MMP26: variants seen among roughly 807,000 people sequenced by gnomAD.
MMP26 encodes the protein matrix metallopeptidase 26, also known as matrix metalloproteinase-26.
In MMP26, 33 loss-of-function variants were observed where a neutral mutation model predicts 31.0. The observed-to-expected ratio is 1.06, with a 90% CI of 0.81 to 1.42. MMP26 has a LOEUF of 1.42. Among genes scored for constraint, MMP26 ranks in the 40% most tolerant of loss-of-function variants. The probability of loss-of-function intolerance (pLI) is 0.00; values close to 1 mark genes in which losing one functional copy is unlikely to be tolerated. For synonymous variants in MMP26, 122 were observed against 114.9 expected (o/e 1.06, Z -0.40); for missense variants, 347 against 316.1 (o/e 1.10, Z -0.74).
intron 2 of MMP26, among the ~76,000 whole-genome samples, chr11:4,781,262 T>C (rs1238185456): frequency 6.6e-6 from 1 of 152,210 alleles, no homozygotes; most frequent in Non-Finnish European, 1.5e-5. Flanking sequence ...AATTATTGTA[T>C]GTATAATTTT....
intron 1 of MMP26, among the ~76,000 whole-genome samples, chr11:4,727,448 A>C (rs1454092416): frequency 6.6e-6 from 1 of 152,172 alleles, no homozygotes; most frequent in Non-Finnish European, 1.5e-5. Context: ...TTTTATGGCC[A>C]TATTTGAAAA....
chr11:4,827,418 A>G (rs1013444349), intron 2 of MMP26, among the ~76,000 whole-genome samples: 1 of 152,088 alleles, frequency 6.6e-6, no homozygotes, highest in African/African-American at 2.4e-5. Context: ...AAAAACTCCA[A>G]ATAGAGAAGA....
intron 1 of MMP26, among the ~76,000 whole-genome samples, chr11:4,707,785 C>T (rs932638670): frequency 2.0e-5 from 3 of 152,146 alleles, no homozygotes; most frequent in African/African-American, 7.2e-5. Flanking sequence ...TTTTCAGAAG[C>T]AGTTCATTCA....
rs569568421 is a variant in MMP26, at chr11:4,853,355, A to C, written c.-145+86014A>C. Among the ~76,000 whole-genome samples the C allele has an allele frequency of 2.7e-3, 406 of 152,294 alleles. 4 individuals carry two copies. Among genetic ancestry groups the C allele is most frequent in the African/African-American group, 9.3e-3 (385 of 41,564 alleles). On this transcript the variant is annotated intron_variant, in intron 2 of 7. Coordinates refer to ENST00000380390, the MANE Select transcript of MMP26 (RefSeq NM_021801.5). Reference sequence around the variant, plus strand: ...CATATTGTACACCTTGAATATAGACAATTTTAAAATGTCAATTATACTTTA... The same window carrying C: ...CATATTGTACACCTTGAATATAGACCATTTTAAAATGTCAATTATACTTTA...
At chr11:4,731,522 T>A (rs1178413192) in intron 1 of MMP26, among the ~76,000 whole-genome samples, 1 of 152,206 alleles carries the variant, frequency 6.6e-6, no homozygotes, top group Admixed American at 6.5e-5. Flanking sequence ...TACCCTGACA[T>A]GTAAAGACAG....
intron 2 of MMP26, among the ~76,000 whole-genome samples, chr11:4,856,450 C>T (rs1373636023): frequency 6.6e-6 from 1 of 152,082 alleles, no homozygotes; most frequent in African/African-American, 2.4e-5. Flanking sequence ...GACTTTTAAC[C>T]AACAAAGATC....
intron 1 of MMP26, among the ~76,000 whole-genome samples, chr11:4,763,884 T>A (rs1278963155): frequency 6.6e-6 from 1 of 152,190 alleles, no homozygotes; most frequent in Non-Finnish European, 1.5e-5. Flanking sequence ...GTTATTAATA[T>A]TAAAGTATTT....
intron 2 of MMP26, among the ~76,000 whole-genome samples, chr11:4,829,868 A>G (rs969939314): frequency 6.6e-6 from 1 of 152,192 alleles, no homozygotes; most frequent in Admixed American, 6.6e-5. Flanking sequence ...AATCTTAGAT[A>G]GAGCCATTGC....
chr11:4,844,715 C>T lies in MMP26; in HGVS notation c.-145+77374C>T, dbSNP rs76303849. 4.8e-3 allele frequency among the ~76,000 whole-genome samples: 733 copies of T among 152,168 alleles called. 6 individuals are homozygous for T. Among genetic ancestry groups the T allele is most frequent in the African/African-American group, 0.017 (705 of 41,532 alleles). On this transcript the variant is annotated intron_variant, in intron 2 of 7. Coordinates refer to ENST00000380390, the MANE Select transcript of MMP26 (RefSeq NM_021801.5). Reference sequence around the variant, plus strand: ...AAGCATGTGACAAAATTCAACACCCCTTCATAATAAAATCCCTTAAAATGG... The same window carrying T: ...AAGCATGTGACAAAATTCAACACCCTTTCATAATAAAATCCCTTAAAATGG...
At chr11:4,813,431 C>T (rs1232976593) in intron 2 of MMP26, among the ~76,000 whole-genome samples, 1 of 150,792 alleles carries the variant, frequency 6.6e-6, no homozygotes, top group African/African-American at 2.4e-5. Flanking sequence ...GCTATGTTGC[C>T]CAGCTGGGCT....
intron 2 of MMP26, chr11:4,821,649 C>T: frequency 3.1e-6 from 5 of 1,613,994 alleles, no homozygotes; most frequent in Non-Finnish European, 4.2e-6. Flanking sequence ...TGAGCTTGTC[C>T]CTGTGTACAC....
At chr11:4,785,037 TAGAC>T (rs1382584830) in intron 2 of MMP26, among the ~76,000 whole-genome samples, 1 of 152,174 alleles carries the variant, frequency 6.6e-6, no homozygotes, top group African/African-American at 2.4e-5. Flanking sequence ...CATTTTTTGA[TAGAC>T]AGGTGTCAAT....
chr11:4,717,037 C>T (rs548450940), intron 1 of MMP26, among the ~76,000 whole-genome samples: 20 of 152,270 alleles, frequency 1.3e-4, no homozygotes, highest in African/African-American at 4.8e-4. Context: ...ATATCTGAAA[C>T]CCCATTGCCT....
At chr11:4,784,932 A>T (rs1392015348) in intron 2 of MMP26, among the ~76,000 whole-genome samples, 1 of 152,254 alleles carries the variant, frequency 6.6e-6, no homozygotes, top group Non-Finnish European at 1.5e-5. Flanking sequence ...ATATTTCAAG[A>T]TGGTGGAAAG....
At chr11:4,940,859 G>T (rs1220264994) in intron 2 of MMP26, among the ~76,000 whole-genome samples, 2 of 152,080 alleles carry the variant, frequency 1.3e-5, no homozygotes, top group Non-Finnish European at 2.9e-5. Flanking sequence ...AGGCAGATCA[G>T]CTAGTTGTTT....
At position 4,759,034 on chromosome 11, in the gene MMP26, C is replaced by T. The variant is rs562259746; in HGVS notation, c.-216-8236C>T. On this transcript the variant is annotated intron_variant, in intron 1 of 7. Transcript: ENST00000380390. ...GCTGAGGCAGGAGAATTGCTTGAACCCAGGAGGCAGAGATTGCACTGAGCC... is the reference window on the plus strand; with the variant it reads ...GCTGAGGCAGGAGAATTGCTTGAACTCAGGAGGCAGAGATTGCACTGAGCC... Among the ~76,000 whole-genome samples, 4 of 148,824 alleles carry T rather than the reference C, an allele frequency of 2.7e-5. No homozygotes were observed. The East Asian group carries it at 7.9e-4, about 29-fold the overall frequency.
At chr11:4,772,425 G>T (rs988364208) in intron 2 of MMP26, among the ~76,000 whole-genome samples, 3 of 141,740 alleles carry the variant, frequency 2.1e-5, no homozygotes, top group African/African-American at 7.5e-5. Context: ...CAGTCTCTAG[G>T]CTCCTATGCC....
At chr11:4,795,070 C>G (rs867986243) in intron 2 of MMP26, 14 of 152,084 alleles carry the variant, frequency 9.2e-5, no homozygotes, top group African/African-American at 3.4e-4. Flanking sequence ...GGGCTTAGAA[C>G]CAATAAAAGG....
intron 2 of MMP26, among the ~76,000 whole-genome samples, chr11:4,980,691 G>A (rs1846800562): frequency 1.3e-5 from 2 of 151,924 alleles, no homozygotes; most frequent in South Asian, 4.2e-4. Flanking sequence ...AAAATATGAA[G>A]AAATTATTTG....
Sources: allele counts gnomAD v4.1 joint callset (sites outside exome capture counted in the v4.1 genomes callset), GRCh38; gene constraint gnomAD v4.1.1; transcripts MANE v1.5; gene names NCBI Gene and HGNC (gene_info 2026-07-23, HGNC 2026-07-21).